The following CADPS variants were observed in gnomAD, a reference collection of about 807,000 sequenced individuals.
CADPS encodes calcium-dependent secretion activator 1.
CADPS carries 57 observed loss-of-function variants against 167.3 expected under a neutral mutation model. That is an observed-to-expected ratio of 0.34 (90% CI 0.28 to 0.42). CADPS has a LOEUF of 0.42. Ranked by LOEUF, CADPS falls within the 20% of genes least tolerant of loss-of-function variation. The pLI is 1.00. For synonymous variants in CADPS, 676 were observed against 635.3 expected (o/e 1.06, Z -0.96); for missense variants, 1,414 against 1,738.1 (o/e 0.81, Z 3.32).
rs1237999843 is a variant in CADPS at position 62,875,142 on chromosome 3, C to T, written c.-113G>A. The T allele has an allele frequency of 1.6e-6, 2 of 1,279,018 alleles. No individual in the cohort carries two copies. The highest frequency in any genetic ancestry group is 2.0e-6 in the Non-Finnish European group (2 of 999,322). 79.2% of individuals were successfully genotyped at this position (1,279,018 alleles called of 1,614,324 possible). A position where few individuals can be genotyped will look rare whatever the true frequency, so the allele number is the denominator to read the frequency against. ...CCCGGGTGGGCGCTTCTCCCCAGGT[C>T]AGGGAGCGAGAGCGCTGCTGCTCAG... On this transcript the variant is annotated 5_prime_UTR_variant, in exon 1 of 30. Transcript: ENST00000383710.
intron 1 of CADPS, among the ~76,000 whole-genome samples, chr3:62,840,123 T>C (rs1043885585): frequency 6.6e-6 from 1 of 152,218 alleles, no homozygotes; most frequent in Non-Finnish European, 1.5e-5. Context: ...AAGCTAATTA[T>C]CTTCATTATT....
intron 6 of CADPS, among the ~76,000 whole-genome samples, chr3:62,614,978 G>T (rs908240817): frequency 2.6e-5 from 4 of 152,204 alleles, no homozygotes; most frequent in African/African-American, 9.6e-5. Context: ...CAAAGTGTCA[G>T]ATACCATTGA....
intron 4 of CADPS, among the ~76,000 whole-genome samples, chr3:62,654,553 A>G (rs1050696371): frequency 6.6e-6 from 1 of 152,170 alleles, no homozygotes; most frequent in Admixed American, 6.5e-5. Context: ...TAGCCACACA[A>G]TATTTCCTCA....
At chr3:62,489,572 T>C (rs2063377748) in intron 21 of CADPS, among the ~76,000 whole-genome samples, 1 of 152,210 alleles carries the variant, frequency 6.6e-6, no homozygotes, top group Admixed American at 6.5e-5. Context: ...ACTTCAGTTT[T>C]GCAGGGGAGC....
intron 1 of CADPS, among the ~76,000 whole-genome samples, chr3:62,805,328 T>A (rs1291585079): frequency 6.6e-6 from 1 of 152,168 alleles, no homozygotes; most frequent in Non-Finnish European, 1.5e-5. Context: ...AGGCAACCTA[T>A]GAAGTAGGTA....
At chr3:62,830,408 C>T (rs982955017) in intron 1 of CADPS, among the ~76,000 whole-genome samples, 2 of 152,186 alleles carry the variant, frequency 1.3e-5, no homozygotes, top group African/African-American at 2.4e-5. Context: ...CAATCAGCTG[C>T]TGACAATCTT....
chr3:62,419,474 C>A (rs929614083), intron 28 of CADPS, among the ~76,000 whole-genome samples: 2 of 152,152 alleles, frequency 1.3e-5, no homozygotes, highest in African/African-American at 4.8e-5. Context: ...ACTTTCAAGT[C>A]GTCTCAATCT....
intron 1 of CADPS, among the ~76,000 whole-genome samples, chr3:62,830,265 C>A (rs1178266179): frequency 6.6e-6 from 1 of 152,140 alleles, no homozygotes; most frequent in African/African-American, 2.4e-5. Context: ...CCTCCCCTAG[C>A]CCACAGCAAA....
intron 1 of CADPS, among the ~76,000 whole-genome samples, chr3:62,771,564 C>G (rs1416771920): frequency 6.6e-6 from 1 of 152,104 alleles, no homozygotes; most frequent in Non-Finnish European, 1.5e-5. Context: ...TCTAAACAAA[C>G]AAATGGGCTT....
chr3:62,644,907 A>T (rs1232467413), intron 6 of CADPS, among the ~76,000 whole-genome samples: 1 of 152,162 alleles, frequency 6.6e-6, no homozygotes, highest in Admixed American at 6.6e-5. Context: ...TATTTGTGCC[A>T]TTACTTTCTG....
intron 3 of CADPS, among the ~76,000 whole-genome samples, chr3:62,667,077 G>A (rs570951173): frequency 1.9e-3 from 277 of 143,206 alleles, no homozygotes; most frequent in Non-Finnish European, 3.3e-3. Flanking sequence ...CTGACACAGA[G>A]TGAACAAGCA....
chr3:62,652,463 C>A (rs1259346801), intron 4 of CADPS, among the ~76,000 whole-genome samples: 1 of 150,156 alleles, frequency 6.7e-6, no homozygotes. Context: ...CAAGATGAAC[C>A]AACTAATTTT....
chr3:62,471,185 G>A (rs2060561656), intron 24 of CADPS, among the ~76,000 whole-genome samples: 2 of 152,170 alleles, frequency 1.3e-5, no homozygotes, highest in African/African-American at 4.8e-5. Flanking sequence ...TCCATACGAT[G>A]TCATGATTAA....
At chr3:62,444,791 G>A (rs1301452384) in intron 27 of CADPS, among the ~76,000 whole-genome samples, 1 of 152,106 alleles carries the variant, frequency 6.6e-6, no homozygotes, top group East Asian at 1.9e-4. Context: ...CTGGGGAAAT[G>A]AATTTAAATG....
At chr3:62,752,986 G>A (rs1467792045) in intron 3 of CADPS, among the ~76,000 whole-genome samples, 1 of 152,170 alleles carries the variant, frequency 6.6e-6, no homozygotes, top group African/African-American at 2.4e-5. Flanking sequence ...TAATATACAG[G>A]TATCGGGCCT....
intron 24 of CADPS, among the ~76,000 whole-genome samples, chr3:62,467,135 T>C (rs925929908): frequency 3.3e-5 from 5 of 152,180 alleles, no homozygotes; most frequent in Non-Finnish European, 7.4e-5. Flanking sequence ...AAATCTGCTG[T>C]AAATGCCAGG....
chr3:62,442,226 T>C (rs1022463443), intron 27 of CADPS, among the ~76,000 whole-genome samples: 5 of 151,636 alleles, frequency 3.3e-5, no homozygotes, highest in African/African-American at 1.2e-4. Flanking sequence ...TTTTTTTTTT[T>C]TTGAGATGGA....
intron 24 of CADPS, chr3:62,473,912 T>G: frequency 3.0e-6 from 1 of 338,344 alleles, no homozygotes; most frequent in Non-Finnish European, 5.3e-6. Flanking sequence ...TCGTCAAACT[T>G]CATTTAGCTT....
intron 8 of CADPS, among the ~76,000 whole-genome samples, chr3:62,580,309 C>T (rs1173940858): frequency 1.3e-5 from 2 of 152,074 alleles, no homozygotes; most frequent in African/African-American, 4.8e-5. Context: ...AACTGGAAAT[C>T]ATCATTCTCA....
Sources: allele counts gnomAD v4.1 joint callset (sites outside exome capture counted in the v4.1 genomes callset), GRCh38; gene constraint gnomAD v4.1.1; transcripts MANE v1.5; gene names NCBI Gene and HGNC (gene_info 2026-07-23, HGNC 2026-07-21).